Variants in ARHGEF9 observed in about 807,000 individuals in gnomAD.
The protein encoded by ARHGEF9 is Cdc42 guanine nucleotide exchange factor 9.
A neutral mutation model predicts 41.3 loss-of-function variants in ARHGEF9; 2 were observed. That is an observed-to-expected ratio of 0.05 (90% CI 0.02 to 0.15). The LOEUF (loss-of-function observed/expected upper bound fraction) is 0.15. Ranked by LOEUF, ARHGEF9 falls within the 10% of genes least tolerant of loss-of-function variation. ARHGEF9 has a pLI of 1.00. For missense variants in ARHGEF9, 225 were observed against 424.7 expected (o/e 0.53, Z 4.13); for synonymous variants, 160 against 154.4 (o/e 1.04, Z -0.27).
intron 1 of ARHGEF9, among the ~76,000 whole-genome samples, chrX:63,733,578 G>A (rs1436095198): frequency 8.9e-6 from 1 of 112,543 alleles, no homozygotes. Flanking sequence ...GCACTCAAGT[G>A]ATAATGACTC....
At chrX:63,659,461 A>T (rs1403490463) in intron 7 of ARHGEF9, among the ~76,000 whole-genome samples, 2 of 111,909 alleles carry the variant, frequency 1.8e-5, no homozygotes, top group Non-Finnish European at 1.9e-5. Flanking sequence ...GAATTGGGAG[A>T]CATTAAGGGA....
intron 7 of ARHGEF9, among the ~76,000 whole-genome samples, chrX:63,662,245 G>A (rs1276660425): frequency 8.9e-6 from 1 of 111,817 alleles, no homozygotes; most frequent in Admixed American, 9.5e-5. Context: ...TATAGTTAGC[G>A]AGTGTTGAAA....
intron 2 of ARHGEF9, 98 bp downstream of exon 2, chrX:63,724,434 C>G: frequency 1.0e-6 from 1 of 985,587 alleles, no homozygotes; most frequent in Non-Finnish European, 1.4e-6. Context: ...AGAAAAGCCA[C>G]CAGGAGAGAA....
intron 1 of ARHGEF9, among the ~76,000 whole-genome samples, chrX:63,753,745 G>GT (rs1311768312): frequency 9.0e-6 from 1 of 111,577 alleles, no homozygotes; most frequent in Non-Finnish European, 1.9e-5. Context: ...TTCAAGAAGT[G>GT]TTTTAAATGT....
intron 1 of ARHGEF9, among the ~76,000 whole-genome samples, chrX:63,759,657 A>T (rs1159904244): frequency 1.5e-4 from 17 of 112,262 alleles, no homozygotes; most frequent in Non-Finnish European, 1.9e-4. Flanking sequence ...AGGCAGTTCA[A>T]TAGATTATGA....
At chrX:63,779,380 G>T (rs2056345065) in intron 1 of ARHGEF9, among the ~76,000 whole-genome samples, 1 of 112,159 alleles carries the variant, frequency 8.9e-6, no homozygotes, top group Non-Finnish European at 1.9e-5. Flanking sequence ...GGTGAAGGAG[G>T]AGCACAGGCA....
chrX:63,765,678 A>G (rs2056101839), intron 1 of ARHGEF9, among the ~76,000 whole-genome samples: 1 of 111,693 alleles, frequency 9.0e-6, no homozygotes, highest in South Asian at 3.8e-4. Context: ...ACAAAGGATT[A>G]ACAGCCAGAA....
At chrX:63,711,833 T>C (rs1297425945) in intron 2 of ARHGEF9, among the ~76,000 whole-genome samples, 1 of 112,159 alleles carries the variant, frequency 8.9e-6, no homozygotes, top group African/African-American at 3.2e-5. Context: ...AATGATACCA[T>C]CAATAAAGTG....
intron 7 of ARHGEF9, among the ~76,000 whole-genome samples, chrX:63,660,946 C>T (rs2049174641): frequency 1.8e-5 from 2 of 111,803 alleles, no homozygotes; most frequent in South Asian, 3.8e-4. Flanking sequence ...GCTCTTAACC[C>T]CATACTCCAC....
chrX:63,652,855 A>C (rs192875092), intron 8 of ARHGEF9, among the ~76,000 whole-genome samples: 73 of 110,796 alleles, frequency 6.6e-4, no homozygotes, highest in African/African-American at 2.3e-3. Context: ...TGCTGTTCTC[A>C]TGATAGTGGG....
rs1351045747 is a variant in ARHGEF9 at position 63,678,943 on chromosome X, T to C, written c.583-371A>G. On this transcript the variant is annotated intron_variant, in intron 4 of 9. Transcript: ENST00000671741. ...CTTCTGGCAATGACAGACTAAGTTGTTGCAGGCAAACCCTGCCACTGAGAG... is the reference window on the plus strand; with the variant it reads ...CTTCTGGCAATGACAGACTAAGTTGCTGCAGGCAAACCCTGCCACTGAGAG... 4.5e-5 allele frequency among the ~76,000 whole-genome samples: 5 copies of C among 111,829 alleles called. No homozygotes were observed. In the East Asian group the frequency reaches 1.4e-3, roughly 31 times the overall value.
chrX:63,644,124 C>A (rs1227527928), intron 8 of ARHGEF9, 76 bp from the exon 9 acceptor site: 130 of 686,209 alleles, frequency 1.9e-4, no homozygotes, highest in Non-Finnish European at 2.9e-5. Context: ...GTAAACTTTT[C>A]TGTAAGAAAG....
intron 1 of ARHGEF9, among the ~76,000 whole-genome samples, chrX:63,779,376 G>A (rs781821812): frequency 2.7e-5 from 3 of 112,420 alleles, no homozygotes; most frequent in East Asian, 5.6e-4. Context: ...AGAAGGTGAA[G>A]GAGGAGCACA....
intron 1 of ARHGEF9, among the ~76,000 whole-genome samples, chrX:63,746,482 C>T (rs1355229457): frequency 1.8e-5 from 2 of 111,603 alleles, no homozygotes; most frequent in Non-Finnish European, 3.8e-5. Context: ...ACCAGAAGCA[C>T]TGCAGGATGT....
Position 63,637,877 on chromosome X carries a change from T to C in ARHGEF9, c.*151A>G. 2.4e-6 allele frequency: 1 copy of C among 413,999 alleles called. No individual in the cohort carries two copies. The highest frequency in any genetic ancestry group is 4.1e-6 in the Non-Finnish European group (1 of 243,769). 34.1% of individuals were successfully genotyped at this position (413,999 alleles called of 1,213,427 possible). On this transcript the variant is annotated 3_prime_UTR_variant, in exon 10 of 10. Transcript: ENST00000671741. ...GTGTGTGTGTGTGTGTGTGTGTGTGTGTGTCTGTGTGTGTGTGTGTGTATG... is the reference window on the plus strand; with the variant it reads ...GTGTGTGTGTGTGTGTGTGTGTGTGCGTGTCTGTGTGTGTGTGTGTGTATG...
intron 8 of ARHGEF9, among the ~76,000 whole-genome samples, chrX:63,645,616 T>A (rs782040364): frequency 2.7e-5 from 3 of 112,338 alleles, no homozygotes; most frequent in Non-Finnish European, 5.6e-5. Context: ...ATTTTCTTAA[T>A]CCAGTCTATC....
chrX:63,643,423 A>T (rs1556308599), intron 9 of ARHGEF9, among the ~76,000 whole-genome samples: 1 of 107,388 alleles, frequency 9.3e-6, no homozygotes, highest in African/African-American at 3.4e-5. Context: ...CAGTGGCACA[A>T]TCTCGGCTCA....
Position 63,637,948 on chromosome X carries a change from A to C in ARHGEF9, c.*80T>G. 2 of 941,692 alleles carry C rather than the reference A, an allele frequency of 2.1e-6. No individual in the cohort carries two copies. The highest frequency in any genetic ancestry group is 4.9e-5 in the South Asian group (2 of 40,653). The allele number at this position is 941,692 out of a possible 1,213,427, so 77.6% of individuals were successfully genotyped here. On this transcript the variant is annotated 3_prime_UTR_variant, in exon 10 of 10. Coordinates refer to ENST00000671741, the MANE Select transcript of ARHGEF9 (RefSeq NM_001353921.2). ...TGTGTGTGTGTGTATAAATTTCAAC[A>C]GTGCTTCTCCGAAAAAAGGTCCATC...
intron 2 of ARHGEF9, among the ~76,000 whole-genome samples, chrX:63,724,061 G>C (rs1208501346): frequency 2.7e-5 from 3 of 112,173 alleles, no homozygotes; most frequent in Non-Finnish European, 5.6e-5. Flanking sequence ...AGGGGTGTGA[G>C]AGGCAAAGAA....
Sources: allele counts gnomAD v4.1 joint callset (sites outside exome capture counted in the v4.1 genomes callset), GRCh38; gene constraint gnomAD v4.1.1; transcripts MANE v1.5; gene names NCBI Gene and HGNC (gene_info 2026-07-23, HGNC 2026-07-21).